The following NEGR1 variants were observed in gnomAD, a reference collection of about 807,000 sequenced individuals.
The protein encoded by NEGR1 is neuronal growth regulator 1.
A neutral mutation model predicts 40.9 loss-of-function variants in NEGR1; 10 were observed. The ratio of observed to expected loss-of-function variants is 0.24; its 90% CI spans 0.15 to 0.42. The LOEUF is 0.42. NEGR1 is among the 10% of genes least tolerant of loss of function. NEGR1 has a pLI of 1.00. For missense variants in NEGR1, 352 were observed against 438.9 expected, an observed-to-expected ratio of 0.80 and a Z score of 1.77; for synonymous variants, 185 against 166.8, an observed-to-expected ratio of 1.11 and a Z score of -0.84.
intron 6 of NEGR1, among the ~76,000 whole-genome samples, chr1:71,510,124 T>C (rs1647062907): frequency 6.6e-6 from 1 of 152,190 alleles, no homozygotes; most frequent in African/African-American, 2.4e-5. Context: ...TAAAAAGGAA[T>C]GGTGGCTTCA....
chr1:71,721,271 A>C (rs1345212388), intron 3 of NEGR1, among the ~76,000 whole-genome samples: 1 of 152,150 alleles, frequency 6.6e-6, no homozygotes, highest in East Asian at 1.9e-4. Flanking sequence ...ACTCTGGGGA[A>C]AACATGCCTT....
At chr1:72,078,958 C>G (rs1429936318) in intron 1 of NEGR1, among the ~76,000 whole-genome samples, 5 of 151,266 alleles carry the variant, frequency 3.3e-5, no homozygotes, top group Admixed American at 6.6e-5. Flanking sequence ...GATATTTTAA[C>G]TATCTCCATT....
intron 1 of NEGR1, among the ~76,000 whole-genome samples, chr1:71,979,024 A>AT (rs1183260839): frequency 2.6e-5 from 4 of 152,290 alleles, no homozygotes; most frequent in South Asian, 2.1e-4. Context: ...CTAAACAGCG[A>AT]TAAAAAAAAA....
chr1:72,224,733 T>A (rs1654120577), intron 1 of NEGR1, among the ~76,000 whole-genome samples: 1 of 151,968 alleles, frequency 6.6e-6, no homozygotes. Flanking sequence ...CAATACTACC[T>A]CCAATTTTGG....
chr1:71,435,035 G>A (rs1646498583), intron 6 of NEGR1, among the ~76,000 whole-genome samples: 1 of 151,996 alleles, frequency 6.6e-6, no homozygotes. Flanking sequence ...AGCTTGCAGT[G>A]AGCCGAGATT....
rs189176733 is a variant in NEGR1, at chr1:72,073,987, T to C, written c.177-138676A>G. On this transcript the variant is annotated intron_variant, in intron 1 of 6. Transcript: ENST00000357731. ...GAGATTAAAAATGGAAGCTTAAATA[T>C]ATCAGGTAGCATATTAAGAAAATAA... 3.9e-4 allele frequency among the ~76,000 whole-genome samples: 59 copies of C among 152,222 alleles called. 1 individual carries two copies. Among genetic ancestry groups the C allele is most frequent in the Non-Finnish European group, 1.8e-4 (12 of 67,986 alleles).
intron 2 of NEGR1, among the ~76,000 whole-genome samples, chr1:71,839,439 G>A (rs1026620947): frequency 4.6e-5 from 7 of 151,606 alleles, no homozygotes; most frequent in Admixed American, 1.3e-4. Flanking sequence ...TTGAACTCCG[G>A]ACCTCAGGCG....
intron 2 of NEGR1, among the ~76,000 whole-genome samples, chr1:71,788,072 A>G (rs1254780995): frequency 6.6e-6 from 1 of 152,196 alleles, no homozygotes; most frequent in Non-Finnish European, 1.5e-5. Context: ...ACCATGATTC[A>G]TGTTAATATT....
At chr1:71,657,642 C>A (rs916551273) in intron 4 of NEGR1, among the ~76,000 whole-genome samples, 1 of 152,076 alleles carries the variant, frequency 6.6e-6, no homozygotes. Flanking sequence ...GCAGCAGATG[C>A]CAACAAGTAG....
At chr1:72,125,308 C>T (rs914730724) in intron 1 of NEGR1, among the ~76,000 whole-genome samples, 1 of 151,872 alleles carries the variant, frequency 6.6e-6, no homozygotes, top group Non-Finnish European at 1.5e-5. Context: ...GTTACTTCTG[C>T]CTTTTGAAAT....
At chr1:71,486,940 C>G (rs1052020161) in intron 6 of NEGR1, 3 of 151,464 alleles carry the variant, frequency 2.0e-5, no homozygotes, top group Non-Finnish European at 4.4e-5. Context: ...CCTGGAGACA[C>G]TGATCAAGCA....
rs937782985 is a variant in NEGR1 at position 71,500,237 on chromosome 1, G to GT, written c.940+92579dup. ...GTCAATGACTGCTTGGTTTAAATAA[G>GT]TTTTTTTTTCCAGCTATGAGGGTGG... On this transcript the variant is annotated intron_variant, in intron 6 of 6. Transcript: ENST00000357731. 1.1e-4 allele frequency among the ~76,000 whole-genome samples: 16 copies of GT among 151,302 alleles called. No individual in the cohort carries two copies. In the East Asian group the frequency reaches 1.2e-3, roughly 11 times the overall value.
At chr1:72,080,449 T>C (rs982557420) in intron 1 of NEGR1, among the ~76,000 whole-genome samples, 1 of 152,068 alleles carries the variant, frequency 6.6e-6, no homozygotes, top group African/African-American at 2.4e-5. Context: ...ACTATTTTTC[T>C]AGGTACTATG....
chr1:71,836,191 A>G (rs1325736794), intron 2 of NEGR1, among the ~76,000 whole-genome samples: 1 of 151,994 alleles, frequency 6.6e-6, no homozygotes, highest in Admixed American at 6.6e-5. Context: ...AGAAAATGTT[A>G]GGCACATGAG....
intron 2 of NEGR1, among the ~76,000 whole-genome samples, chr1:71,842,344 A>G (rs1341723804): frequency 2.0e-5 from 3 of 152,132 alleles, no homozygotes; most frequent in Non-Finnish European, 4.4e-5. Flanking sequence ...TAGATTCATC[A>G]TGCTTAGACA....
intron 3 of NEGR1, among the ~76,000 whole-genome samples, chr1:71,748,507 A>G (rs1655460226): frequency 6.6e-6 from 1 of 152,186 alleles, no homozygotes; most frequent in African/African-American, 2.4e-5. Context: ...GAGAATAGTG[A>G]TGACATATTG....
intron 1 of NEGR1, among the ~76,000 whole-genome samples, chr1:72,082,651 A>T (rs1648050610): frequency 6.6e-6 from 1 of 151,940 alleles, no homozygotes; most frequent in Admixed American, 6.6e-5. Context: ...ACCATACATG[A>T]CAAAATTTTA....
At chr1:72,142,550 G>GATAGAT (rs1650725200) in intron 1 of NEGR1, among the ~76,000 whole-genome samples, 1 of 151,554 alleles carries the variant, frequency 6.6e-6, no homozygotes, top group African/African-American at 2.4e-5. Flanking sequence ...TAGATAGATA[G>GATAGAT]ATAGATAGAT....
intron 2 of NEGR1, among the ~76,000 whole-genome samples, chr1:71,869,741 A>C (rs1013756060): frequency 3.9e-5 from 6 of 152,212 alleles, no homozygotes; most frequent in Admixed American, 6.5e-5. Context: ...CTAAAGAATA[A>C]TTATTATTTT....
Sources: allele counts gnomAD v4.1 joint callset (sites outside exome capture counted in the v4.1 genomes callset), GRCh38; gene constraint gnomAD v4.1.1; transcripts MANE v1.5; gene names NCBI Gene and HGNC (gene_info 2026-07-23, HGNC 2026-07-21).